KLHL1: variants seen among roughly 807,000 people sequenced by gnomAD.
The protein encoded by KLHL1 is kelch-like protein 1.
In KLHL1, 47 loss-of-function variants were observed where a neutral mutation model predicts 77.7. The ratio of observed to expected loss-of-function variants is 0.60; its 90% CI spans 0.48 to 0.77. The LOEUF (loss-of-function observed/expected upper bound fraction) is 0.77. Ranked by LOEUF, KLHL1 falls within the 30% of genes least tolerant of loss-of-function variation. The pLI, the probability that KLHL1 is intolerant of heterozygous loss-of-function variation, is 0.00. For missense variants in KLHL1, 925 were observed against 910.8 expected (o/e 1.02, Z -0.20); for synonymous variants, 360 against 325.2 (o/e 1.11, Z -1.15).
At chr13:69,813,503 C>CACACACACACACACACACACACACATAT (rs34163072) in intron 6 of KLHL1, among the ~76,000 whole-genome samples, 46 of 148,914 alleles carry the variant, frequency 3.1e-4, no homozygotes, top group Admixed American at 1.1e-3. Context: ...CACACACACA[C>CACACACACACACACACACACACACATAT]ATATATATAT....
chr13:69,934,600 T>C (rs1399766961), intron 4 of KLHL1, among the ~76,000 whole-genome samples: 1 of 152,082 alleles, frequency 6.6e-6, no homozygotes, highest in Non-Finnish European at 1.5e-5. Flanking sequence ...AAATGTTCAA[T>C]GGCATATTAT....
intron 5 of KLHL1, among the ~76,000 whole-genome samples, chr13:69,874,908 G>A (rs1315752456): frequency 1.3e-5 from 2 of 152,104 alleles, no homozygotes; most frequent in Non-Finnish European, 2.9e-5. Context: ...ATCTTGTCAA[G>A]TAGTTAATTG....
intron 2 of KLHL1, among the ~76,000 whole-genome samples, chr13:69,969,946 T>A (rs1884330028): frequency 6.6e-6 from 1 of 152,050 alleles, no homozygotes; most frequent in Admixed American, 6.6e-5. Context: ...ACTTTTTAAG[T>A]TCCACTTCAA....
At chr13:69,802,192 A>G (rs1356112633) in intron 6 of KLHL1, among the ~76,000 whole-genome samples, 6 of 152,142 alleles carry the variant, frequency 3.9e-5, no homozygotes, top group Non-Finnish European at 8.8e-5. Context: ...CAAAGGACAT[A>G]AATTCATTCT....
chr13:69,865,959 T>C (rs1880351643), intron 5 of KLHL1, among the ~76,000 whole-genome samples: 1 of 152,144 alleles, frequency 6.6e-6, no homozygotes, highest in African/African-American at 2.4e-5. Context: ...AGCATGAATG[T>C]ATATTGCCAT....
At chr13:69,930,375 C>A (rs1272847654) in intron 4 of KLHL1, among the ~76,000 whole-genome samples, 3 of 151,752 alleles carry the variant, frequency 2.0e-5, no homozygotes, top group Non-Finnish European at 4.4e-5. Flanking sequence ...ACAACTAAAC[C>A]ATTACAAAGT....
chr13:69,852,414 A>C (rs543597648), intron 5 of KLHL1, among the ~76,000 whole-genome samples: 2 of 152,092 alleles, frequency 1.3e-5, no homozygotes, highest in South Asian at 4.1e-4. Flanking sequence ...AAGAGACAAC[A>C]TTCAGTTGAT....
chr13:70,080,866 G>T (rs1226327642), intron 1 of KLHL1, among the ~76,000 whole-genome samples: 1 of 152,114 alleles, frequency 6.6e-6, no homozygotes, highest in Non-Finnish European at 1.5e-5. Flanking sequence ...CTCCCAAAGT[G>T]CTGGGACGTG....
intron 1 of KLHL1, among the ~76,000 whole-genome samples, chr13:70,061,681 A>G (rs183962342): frequency 6.6e-6 from 1 of 152,256 alleles, no homozygotes; most frequent in African/African-American, 2.4e-5. Flanking sequence ...ATTAGCAGCA[A>G]ATATGAAGGC....
intron 1 of KLHL1, among the ~76,000 whole-genome samples, chr13:69,981,598 T>C (rs367731765): frequency 6.6e-6 from 1 of 152,070 alleles, no homozygotes; most frequent in African/African-American, 2.4e-5. Context: ...AATGTATATG[T>C]CTTTAGATTA....
At chr13:69,846,731 A>G (rs1879475680) in intron 5 of KLHL1, among the ~76,000 whole-genome samples, 1 of 150,666 alleles carries the variant, frequency 6.6e-6, no homozygotes, top group Admixed American at 6.7e-5. Flanking sequence ...ATTGAACCAC[A>G]TGATCAAAAT....
intron 8 of KLHL1, among the ~76,000 whole-genome samples, chr13:69,737,939 G>A (rs1021493506): frequency 1.3e-5 from 2 of 152,252 alleles, no homozygotes; most frequent in Admixed American, 6.5e-5. Context: ...CTGACTGGGT[G>A]AGACCTGCAA....
intron 1 of KLHL1, among the ~76,000 whole-genome samples, chr13:70,091,368 T>C (rs1887669155): frequency 6.6e-6 from 1 of 152,116 alleles, no homozygotes; most frequent in Non-Finnish European, 1.5e-5. Context: ...ATCAGTCTTT[T>C]CGACTGTTTT....
At chr13:69,957,746 C>G (rs150610938) in intron 3 of KLHL1, among the ~76,000 whole-genome samples, 3,727 of 151,896 alleles carry the variant, frequency 0.025, 52 homozygotes, top group Middle Eastern at 0.048. Flanking sequence ...TTATAACACA[C>G]TCTCTTTACA....
At chr13:69,973,210 T>A (rs1004958378) in intron 2 of KLHL1, among the ~76,000 whole-genome samples, 2 of 151,958 alleles carry the variant, frequency 1.3e-5, no homozygotes, top group Admixed American at 1.3e-4. Context: ...AAACAATTGA[T>A]AATTGTGACC....
At chr13:69,816,851 G>A (rs978348100) in intron 6 of KLHL1, among the ~76,000 whole-genome samples, 6 of 152,038 alleles carry the variant, frequency 3.9e-5, no homozygotes, top group Admixed American at 6.6e-5. Context: ...CCAGCTATTC[G>A]GGAGGCTGAG....
chr13:69,725,743 G>C (rs528466673), intron 8 of KLHL1, among the ~76,000 whole-genome samples: 1 of 152,130 alleles, frequency 6.6e-6, no homozygotes, highest in Admixed American at 6.6e-5. Context: ...TTGTAGCTTA[G>C]TGAAATCCTG....
intron 1 of KLHL1, among the ~76,000 whole-genome samples, chr13:70,062,650 T>C (rs1386815925): frequency 6.6e-6 from 1 of 152,130 alleles, no homozygotes; most frequent in Admixed American, 6.6e-5. Flanking sequence ...AATTAATAAA[T>C]TGATGAGTGA....
rs367987367 is a variant in KLHL1, at chr13:69,972,188, T to G, written c.680+3432A>C. On this transcript the variant is annotated intron_variant, in intron 2 of 10. Coordinates refer to ENST00000377844, the MANE Select transcript of KLHL1 (RefSeq NM_020866.3). ...TACTCTTGGGTATTTATATATGTTG[T>G]TTAGGTAAGTAATTTCTTTTTAATG... 1.3e-4 allele frequency among the ~76,000 whole-genome samples: 20 copies of G among 152,086 alleles called. No homozygotes were observed. The South Asian group carries it at 4.1e-3, about 32-fold the overall frequency.
Sources: allele counts gnomAD v4.1 joint callset (sites outside exome capture counted in the v4.1 genomes callset), GRCh38; gene constraint gnomAD v4.1.1; transcripts MANE v1.5; gene names NCBI Gene and HGNC (gene_info 2026-07-23, HGNC 2026-07-21).